Variants in PAX3 observed in about 807,000 individuals in gnomAD.
The protein encoded by PAX3 is paired box 3.
Under a neutral mutation model 51.6 loss-of-function variants are expected in PAX3, and 14 were observed. That is an observed-to-expected ratio of 0.27 (90% confidence interval 0.18 to 0.42). The LOEUF (loss-of-function observed/expected upper bound fraction) is 0.42. Among genes scored for constraint, PAX3 ranks in the 10% least tolerant of loss-of-function variants. The pLI is 1.00. For synonymous variants in PAX3, 280 were observed against 253.4 expected (o/e 1.11, Z -1.00); for missense variants, 540 against 642.8 (o/e 0.84, Z 1.73).
chr2:222,296,973 C>T lies in PAX3; in HGVS notation c.321+5G>A. The T allele has an allele frequency of 6.2e-7, 1 of 1,610,928 alleles. No individual in the cohort carries two copies. The highest frequency in any genetic ancestry group is 8.5e-7 in the Non-Finnish European group (1 of 1,178,502). On this transcript the variant is annotated splice_donor_5th_base_variant and intron_variant, in intron 2 of 8. Coordinates refer to ENST00000392070, the MANE Select transcript of PAX3 (RefSeq NM_181458.4). ...GAGCCAGGAGGGCAAGGCCCGCCCG[C>T]TCACCTTGGGCTTGCTGCCGCCGAT...
chr2:222,294,347 G>A, intron 3 of PAX3, 46 bp from the exon 4 acceptor site: 2 of 1,609,574 alleles, frequency 1.2e-6, no homozygotes, highest in Non-Finnish European at 1.7e-6. Context: ...ACATGGTTGA[G>A]ACAAGCAGGG....
intron 4 of PAX3, among the ~76,000 whole-genome samples, chr2:222,276,600 C>A (rs1227208455): frequency 1.3e-5 from 2 of 152,186 alleles, no homozygotes; most frequent in Non-Finnish European, 2.9e-5. Context: ...GCCTTCACCT[C>A]GCCCAGAGCT....
chr2:222,282,923 A>C (rs1356153507), intron 4 of PAX3, among the ~76,000 whole-genome samples: 3 of 152,250 alleles, frequency 2.0e-5, no homozygotes, highest in Non-Finnish European at 4.4e-5. Context: ...ACTCAGATAT[A>C]GGGATAGGAG....
chr2:222,241,116 C>CAGT (rs1374783856), intron 4 of PAX3, among the ~76,000 whole-genome samples: 40 of 152,134 alleles, frequency 2.6e-4, no homozygotes, highest in Non-Finnish European at 1.5e-5. Context: ...TCTCTAAAAG[C>CAGT]AGTAAGCTAA....
chr2:222,209,126 T>C (rs1036920698), intron 7 of PAX3, among the ~76,000 whole-genome samples: 1 of 152,150 alleles, frequency 6.6e-6, no homozygotes, highest in African/African-American at 2.4e-5. Context: ...GTTTTCCCTC[T>C]ACCTACCACT....
At chr2:222,275,100 A>G (rs1413764794) in intron 4 of PAX3, among the ~76,000 whole-genome samples, 1 of 152,206 alleles carries the variant, frequency 6.6e-6, no homozygotes, top group Non-Finnish European at 1.5e-5. Context: ...TAAAAATTTT[A>G]ATTTCGATTC....
intron 4 of PAX3, among the ~76,000 whole-genome samples, chr2:222,289,618 G>A (rs1391929890): frequency 6.6e-6 from 1 of 152,132 alleles, no homozygotes; most frequent in African/African-American, 2.4e-5. Flanking sequence ...ACGATTTCAA[G>A]CATTAATTAG....
At chr2:222,269,974 CT>C (rs1438846149) in intron 4 of PAX3, among the ~76,000 whole-genome samples, 1 of 151,200 alleles carries the variant, frequency 6.6e-6, no homozygotes, top group African/African-American at 2.4e-5. Flanking sequence ...CTGTATCTCT[CT>C]ATCTACACAT....
intron 8 of PAX3, 133 bp downstream of exon 8, chr2:222,201,811 G>C (rs746597491): frequency 5.7e-6 from 9 of 1,567,282 alleles, no homozygotes; most frequent in Non-Finnish European, 7.8e-6. Context: ...CAGTCAGCTG[G>C]CTTTGCAAAA....
At chr2:222,231,444 T>C (rs142828485) in intron 5 of PAX3, among the ~76,000 whole-genome samples, 28 of 152,380 alleles carry the variant, frequency 1.8e-4, no homozygotes, top group African/African-American at 6.3e-4. Flanking sequence ...AGAGCACCTC[T>C]AAGAGTTCAA....
chr2:222,266,894 C>T (rs563076148), intron 4 of PAX3, among the ~76,000 whole-genome samples: 18 of 152,282 alleles, frequency 1.2e-4, no homozygotes, highest in Admixed American at 1.1e-3. Context: ...CATTTGCAAC[C>T]TATGAAATCA....
At chr2:222,267,066 G>A (rs1022680501) in intron 4 of PAX3, among the ~76,000 whole-genome samples, 7 of 152,142 alleles carry the variant, frequency 4.6e-5, no homozygotes, top group Non-Finnish European at 7.3e-5. Flanking sequence ...ACTCTTACCC[G>A]GAGATTGCAC....
intron 7 of PAX3, among the ~76,000 whole-genome samples, chr2:222,215,528 T>G (rs1040908224): frequency 2.0e-5 from 3 of 151,900 alleles, no homozygotes; most frequent in Non-Finnish European, 4.4e-5. Context: ...GTTTGTTAAT[T>G]TAATTGGTCT....
Position 222,295,675 on chromosome 2 carries a change from G to A in PAX3, c.322-18C>T, listed in dbSNP as rs766996066. 9.9e-6 allele frequency: 16 copies of A among 1,613,726 alleles called. No individual in the cohort carries two copies. The highest frequency in any genetic ancestry group is 1.4e-5 in the Non-Finnish European group (16 of 1,180,002). ...GTCACCTGCTTTAAGAGAACAGGCG[G>A]GCAGGCGTTGGTACCCGGTACCCTG... On this transcript the variant is annotated intron_variant, in intron 2 of 8. Coordinates refer to ENST00000392070, the MANE Select transcript of PAX3 (RefSeq NM_181458.4).
chr2:222,243,155 A>AT (rs2106113477), intron 4 of PAX3, among the ~76,000 whole-genome samples: 1 of 152,326 alleles, frequency 6.6e-6, no homozygotes, highest in Non-Finnish European at 1.5e-5. Flanking sequence ...TGTTTGGAAA[A>AT]TAAAAAAAAG....
chr2:222,298,903 C>G lies in PAX3; in HGVS notation c.-288G>C. ...GCAAATGTTCCAGCGACTGGGGTCC[C>G]TGAAAAGGGGGCTCAGAGAGCCACG... On this transcript the variant is annotated 5_prime_UTR_variant, in exon 1 of 9. Coordinates refer to ENST00000392070, the MANE Select transcript of PAX3 (RefSeq NM_181458.4). The G allele has an allele frequency of 1.9e-6, 1 of 531,110 alleles. No homozygotes were observed. The highest frequency in any genetic ancestry group is 3.2e-5 in the East Asian group (1 of 31,278). 32.9% of individuals were successfully genotyped at this position (531,110 alleles called of 1,614,324 possible). A position where few individuals can be genotyped will look rare whatever the true frequency, so the allele number is the denominator to read the frequency against.
At chr2:222,279,701 G>A (rs1046961028) in intron 4 of PAX3, among the ~76,000 whole-genome samples, 2 of 152,006 alleles carry the variant, frequency 1.3e-5, no homozygotes, top group African/African-American at 4.8e-5. Context: ...ATTTAACTTG[G>A]GTTTTCATGT....
At chr2:222,293,492 C>T in intron 4 of PAX3, 1 of 745,306 alleles carries the variant, frequency 1.3e-6, no homozygotes, top group Non-Finnish European at 2.1e-6. Flanking sequence ...GATCTGTACC[C>T]CTAGAAGACA....
In PAX3 at chr2:222,297,127, T is replaced by G. The variant is rs1210507532; in HGVS notation, c.172A>C (p.Lys58Gln). The G allele has an allele frequency of 6.2e-7, 1 of 1,611,468 alleles. No individual in the cohort carries two copies. The highest frequency in any genetic ancestry group is 8.5e-7 in the Non-Finnish European group (1 of 1,179,204). The change falls in exon 2 of 9, where the codon AAG becomes CAG. Residue 58 changes from lysine (K) to glutamine (Q), a missense_variant. This residue lies in a region of PAX3 where 50 missense variants were observed against 109.3 expected (regional missense o/e 0.46). Coordinates refer to ENST00000392070, the MANE Select transcript of PAX3 (RefSeq NM_181458.4). ...CCGTGGTGGGCCATCTCCACGATCTTGTGGCGGATGTGGTTGGGCAGCGGC... is the reference window on the plus strand; with the variant it reads ...CCGTGGTGGGCCATCTCCACGATCTGGTGGCGGATGTGGTTGGGCAGCGGC... The part of the protein sequence containing the change: ...GRPLPNHIRH[K>Q]IVEMAHHGIR...
Sources: allele counts gnomAD v4.1 joint callset (sites outside exome capture counted in the v4.1 genomes callset), GRCh38; gene constraint gnomAD v4.1.1; regional missense constraint gnomAD v4.1.1; transcripts MANE v1.5; gene names NCBI Gene and HGNC (gene_info 2026-07-23, HGNC 2026-07-21).